PTPRO: variants seen among roughly 807,000 people sequenced by gnomAD.
PTPRO encodes the protein receptor-type tyrosine-protein phosphatase O.
PTPRO carries 62 observed loss-of-function variants against 145.2 expected under a neutral mutation model. The observed-to-expected ratio is 0.43, with a 90% CI of 0.35 to 0.53. The LOEUF (loss-of-function observed/expected upper bound fraction) is 0.53. Ranked by LOEUF, PTPRO falls within the 20% of genes least tolerant of loss-of-function variation. The pLI is 0.01. For missense variants in PTPRO, 1,345 were observed against 1,482.7 expected (o/e 0.91, Z 1.53); for synonymous variants, 565 against 514.7 (o/e 1.10, Z -1.32).
chr12:15,513,207 AAGAAAGAAAGAAAGAAAG>A, intron 7 of PTPRO, among the ~76,000 whole-genome samples: 1 of 113,166 alleles, frequency 8.8e-6, no homozygotes, highest in East Asian at 2.5e-4. Context: ...GAAAGAAAGA[AAGAAAGAAAGAAAGAAAG>A]AAAAGAAAGA....
intron 1 of PTPRO, among the ~76,000 whole-genome samples, chr12:15,468,095 C>T (rs910689207): frequency 6.6e-5 from 10 of 152,140 alleles, no homozygotes; most frequent in Admixed American, 1.3e-4. Flanking sequence ...TATTCAAATC[C>T]GTTGTAATTT....
Position 15,496,134 on chromosome 12 carries a change from C to CTT in PTPRO, c.350-1105_350-1104dup, listed in dbSNP as rs1349321752. Among the ~76,000 whole-genome samples the CTT allele has an allele frequency of 3.5e-4, 33 of 93,122 alleles. 1 individual carries two copies. Among genetic ancestry groups the CTT allele is most frequent in the Non-Finnish European group, 5.1e-4 (23 of 44,890 alleles). 61.1% of individuals were successfully genotyped at this position (93,122 alleles called of 152,430 possible). On this transcript the variant is annotated intron_variant, in intron 2 of 26. Coordinates refer to ENST00000281171, the MANE Select transcript of PTPRO (RefSeq NM_030667.3). ...TTTTACTTATGTTCATTTTTCTTTTCTTTTTTTGTTTTTTTTTTTTTTTTT... is the reference window on the plus strand; with the variant it reads ...TTTTACTTATGTTCATTTTTCTTTTCTTTTTTTTTGTTTTTTTTTTTTTTTTT...
intron 7 of PTPRO, among the ~76,000 whole-genome samples, chr12:15,512,022 T>C (rs1386987610): frequency 6.6e-6 from 1 of 152,146 alleles, no homozygotes; most frequent in East Asian, 1.9e-4. Flanking sequence ...ATAGGCAAAA[T>C]GGGTGATTAA....
chr12:15,443,282 C>T (rs2136363239), intron 1 of PTPRO, among the ~76,000 whole-genome samples: 1 of 152,150 alleles, frequency 6.6e-6, no homozygotes, highest in South Asian at 2.1e-4. Flanking sequence ...GGATAGCTTT[C>T]CAGCCATATG....
intron 2 of PTPRO, among the ~76,000 whole-genome samples, chr12:15,493,591 A>T (rs1363049354): frequency 6.6e-6 from 1 of 152,192 alleles, no homozygotes; most frequent in Admixed American, 6.5e-5. Context: ...TAAAACAAAG[A>T]GATAACATTT....
intron 1 of PTPRO, among the ~76,000 whole-genome samples, chr12:15,367,220 T>C (rs1204844250): frequency 6.6e-6 from 1 of 152,178 alleles, no homozygotes; most frequent in Non-Finnish European, 1.5e-5. Flanking sequence ...CAAACGTTTC[T>C]GAAGCAAGAA....
At chr12:15,403,992 C>T (rs1253617054) in intron 1 of PTPRO, among the ~76,000 whole-genome samples, 2 of 151,748 alleles carry the variant, frequency 1.3e-5, no homozygotes, top group African/African-American at 2.4e-5. Context: ...GTCAGGAGAT[C>T]GAGACCATCC....
intron 23 of PTPRO, 145 bp downstream of exon 23, chr12:15,581,946 G>T (rs556673975): frequency 9.1e-7 from 1 of 1,102,044 alleles, no homozygotes; most frequent in East Asian, 2.6e-5. Flanking sequence ...GAAATCAGGG[G>T]TCTCACAGCT....
At chr12:15,407,216 C>T (rs1217137341) in intron 1 of PTPRO, among the ~76,000 whole-genome samples, 1 of 152,134 alleles carries the variant, frequency 6.6e-6, no homozygotes, top group Admixed American at 6.5e-5. Flanking sequence ...CAATCTAGTG[C>T]TTTTGTTAAC....
rs780375697 is a variant in PTPRO, at chr12:15,565,586, T to C, written c.2712-7T>C. 1.4e-6 allele frequency: 2 copies of C among 1,451,060 alleles called. No individual in the cohort carries two copies. Among genetic ancestry groups the C allele is most frequent in the South Asian group, 2.3e-5 (2 of 87,036 alleles). 89.9% of individuals were successfully genotyped at this position (1,451,060 alleles called of 1,614,324 possible). On this transcript the variant is annotated splice_region_variant and splice_polypyrimidine_tract_variant and intron_variant, in intron 17 of 26. Transcript: ENST00000281171. ...GATAAATTTGTCTTTTCTTTTTTAA[T>C]TATCAGGAGTAAAAATGGTTTAAAG...
At chr12:15,528,343 T>G (rs1268630473) in intron 12 of PTPRO, among the ~76,000 whole-genome samples, 1 of 145,956 alleles carries the variant, frequency 6.9e-6, no homozygotes, top group Non-Finnish European at 1.5e-5. Flanking sequence ...GGTGAAACCC[T>G]GTCTCTAATA....
At position 15,514,940 on chromosome 12, in the gene PTPRO, A is replaced by G. The variant is rs543411265; in HGVS notation, c.1465-558A>G. Among the ~76,000 whole-genome samples the G allele has an allele frequency of 3.3e-5, 5 of 151,382 alleles. No homozygotes were observed. In the East Asian group the frequency reaches 9.8e-4, roughly 30 times the overall value. ...ACCATGCCTGGCTAATTTTCTTTGTATTTTAGTAGAGACAGGGTTTCACTA... is the reference window on the plus strand; with the variant it reads ...ACCATGCCTGGCTAATTTTCTTTGTGTTTTAGTAGAGACAGGGTTTCACTA... On this transcript the variant is annotated intron_variant, in intron 7 of 26. Coordinates refer to ENST00000281171, the MANE Select transcript of PTPRO (RefSeq NM_030667.3).
chr12:15,430,993 A>G (rs1315943401), intron 1 of PTPRO, among the ~76,000 whole-genome samples: 1 of 152,192 alleles, frequency 6.6e-6, no homozygotes, highest in Non-Finnish European at 1.5e-5. Context: ...TTGCTTAAAA[A>G]CTGTATTCAA....
rs1944674479 is a variant in PTPRO, at chr12:15,597,116, A to G, written c.*1043A>G. 6.6e-6 allele frequency: 1 copy of G among 152,518 alleles called. No individual in the cohort carries two copies. Among genetic ancestry groups the G allele is most frequent in the Non-Finnish European group, 1.5e-5 (1 of 68,034 alleles). 9.4% of individuals were successfully genotyped at this position (152,518 alleles called of 1,614,324 possible). A position where few individuals can be genotyped will look rare whatever the true frequency, so the allele number is the denominator to read the frequency against. ...TTTTGTAATATTGTCAAATGTCTCTATGGATTCTGACAGAGATTTCTTTTT... is the reference window on the plus strand; with the variant it reads ...TTTTGTAATATTGTCAAATGTCTCTGTGGATTCTGACAGAGATTTCTTTTT... On this transcript the variant is annotated 3_prime_UTR_variant, in exon 27 of 27. Coordinates refer to ENST00000281171, the MANE Select transcript of PTPRO (RefSeq NM_030667.3).
At chr12:15,593,354 CTATTACT>C (rs1303565920) in intron 25 of PTPRO, among the ~76,000 whole-genome samples, 1 of 152,106 alleles carries the variant, frequency 6.6e-6, no homozygotes, top group Admixed American at 6.5e-5. Context: ...ATTTCTAGTG[CTATTACT>C]TATAGAGAAA....
At chr12:15,396,821 A>C (rs975088975) in intron 1 of PTPRO, among the ~76,000 whole-genome samples, 4 of 152,184 alleles carry the variant, frequency 2.6e-5, no homozygotes, top group Non-Finnish European at 5.9e-5. Context: ...TTTACAATAA[A>C]AATGGACTTA....
At chr12:15,534,005 C>A (rs1051161509) in intron 12 of PTPRO, among the ~76,000 whole-genome samples, 2 of 152,048 alleles carry the variant, frequency 1.3e-5, no homozygotes, top group African/African-American at 4.8e-5. Flanking sequence ...GGTAGAGAGC[C>A]CTCAAACAGT....
At chr12:15,583,249 A>T (rs1226535419) in intron 23 of PTPRO, among the ~76,000 whole-genome samples, 2 of 152,190 alleles carry the variant, frequency 1.3e-5, no homozygotes, top group Non-Finnish European at 2.9e-5. Context: ...TGAGAGGCTG[A>T]GGCGAGCAGA....
chr12:15,510,467 T>A (rs1942414642), intron 7 of PTPRO, among the ~76,000 whole-genome samples: 1 of 152,190 alleles, frequency 6.6e-6, no homozygotes, highest in Non-Finnish European at 1.5e-5. Context: ...TTGCCCTACT[T>A]AATGTACACA....
Sources: gnomAD v4.1 joint callset for allele counts (sites outside exome capture counted in the v4.1 genomes callset) on GRCh38, gnomAD v4.1.1 for gene constraint, MANE v1.5 for transcripts, NCBI Gene and HGNC (gene_info 2026-07-23, HGNC 2026-07-21) for gene names.